DMXL1: variants seen among roughly 807,000 people sequenced by gnomAD.
DMXL1 encodes dmX-like protein 1.
DMXL1 carries 99 observed loss-of-function variants against 319.2 expected under a neutral mutation model. That is an observed-to-expected ratio of 0.31 (90% CI 0.26 to 0.37). The LOEUF (loss-of-function observed/expected upper bound fraction) is 0.37, where lower values mean the gene tolerates loss of function less well. Among genes scored for constraint, DMXL1 ranks in the 10% least tolerant of loss-of-function variants. The pLI is 1.00. For missense variants in DMXL1, 3,745 were observed against 3,595.6 expected (o/e 1.04, Z -1.06); for synonymous variants, 1,385 against 1,235.2 (o/e 1.12, Z -2.54).
At chr5:119,165,354 A>G in intron 21 of DMXL1, 74 bp downstream of exon 21, 1 of 778,856 alleles carries the variant, frequency 1.3e-6, no homozygotes, top group Non-Finnish European at 2.1e-6. Flanking sequence ...GAATGAAGTA[A>G]GATTTGTTGT....
At chr5:119,105,394 C>G in intron 4 of DMXL1, 136 bp downstream of exon 4, 1 of 639,994 alleles carries the variant, frequency 1.6e-6, no homozygotes, top group Non-Finnish European at 2.8e-6. Flanking sequence ...GGATTATGCC[C>G]TTTTAGAGTT....
chr5:119,121,053 A>G lies in DMXL1; in HGVS notation c.1016A>G (p.Asp339Gly), dbSNP rs753950009. 3.7e-6 allele frequency: 6 copies of G among 1,613,768 alleles called. No homozygotes were observed. Among genetic ancestry groups the G allele is most frequent in the Admixed American group, 3.3e-5 (2 of 59,852 alleles). The change falls in exon 9 of 44, where the codon GAT becomes GGT. Residue 339 changes from aspartate to glycine, a missense_variant. Around this residue, in one of 4 missense-constraint regions of DMXL1, gnomAD observed 2,096 missense variants for 1,985.4 expected, o/e 1.06. Transcript: ENST00000539542. ...AHTGYLPHQQ[D>G]PHHVHRNTPL... Reference sequence around the variant, plus strand: ...ACGGGATATCTACCACATCAGCAGGATCCTCATCATGTTCACAGGAACACT... The same window carrying G: ...ACGGGATATCTACCACATCAGCAGGGTCCTCATCATGTTCACAGGAACACT...
chr5:119,190,852 A>G (rs940059972), intron 29 of DMXL1, among the ~76,000 whole-genome samples: 5 of 152,238 alleles, frequency 3.3e-5, no homozygotes, highest in African/African-American at 7.2e-5. Context: ...ACAACATTGA[A>G]AATGCAAAGA....
intron 32 of DMXL1, among the ~76,000 whole-genome samples, chr5:119,202,891 A>ATATATATATATATATATTTATATATT (rs1781048094): frequency 6.4e-5 from 9 of 139,940 alleles, no homozygotes; most frequent in African/African-American, 2.5e-4. Context: ...ATTTTTATAT[A>ATATATATATATATATATTTATATATT]TATATATATA....
chr5:119,220,922 G>A lies in DMXL1; in HGVS notation c.8136-18G>A. 6.2e-7 allele frequency: 1 copy of A among 1,607,920 alleles called. No individual in the cohort carries two copies. Among genetic ancestry groups the A allele is most frequent in the South Asian group, 1.1e-5 (1 of 90,060 alleles). ...GAAATGATGAGTTGTTTTTATTCTG[G>A]TTGACATTCCTTTATAGATCAGAAG... On this transcript the variant is annotated intron_variant, in intron 36 of 43. Transcript: ENST00000539542.
In DMXL1 at chr5:119,129,375, G is replaced by C. The variant is rs768850428; in HGVS notation, c.1267G>C (p.Glu423Gln). ...AAAAAGTTTTGAACAACCATCTTCT[G>C]AGGCCAGTGTAGAAGATTCTAATCA... ...LRKSFEQPSS[E>Q]ASVEDSNQAD... is the part of the protein sequence containing the mutation. The change falls in exon 10 of 44, where the codon GAG becomes CAG. Residue 423 changes from glutamate (E) to glutamine (Q), a missense_variant. By Grantham distance (29) the Glu-to-Gln change is conservative (BLOSUM62 2). Transcript: ENST00000539542. The C allele has an allele frequency of 1.9e-6, 3 of 1,613,790 alleles. No individual in the cohort carries two copies. Among genetic ancestry groups the C allele is most frequent in the South Asian group, 1.1e-5 (1 of 91,058 alleles).
At chr5:119,143,669 T>C (rs1016162073) in intron 13 of DMXL1, among the ~76,000 whole-genome samples, 172 bp from the exon 14 acceptor site, 3 of 151,984 alleles carry the variant, frequency 2.0e-5, no homozygotes, top group Admixed American at 2.0e-4. Context: ...TTTTCATTCG[T>C]TTGTTAATTC....
intron 3 of DMXL1, among the ~76,000 whole-genome samples, chr5:119,102,844 C>A (rs1007892303): frequency 2.6e-5 from 4 of 152,070 alleles, no homozygotes; most frequent in Admixed American, 2.0e-4. Flanking sequence ...AGTGTAGTGT[C>A]ATTGAAAGAG....
intron 34 of DMXL1, among the ~76,000 whole-genome samples, chr5:119,207,643 C>G (rs1205033910): frequency 6.6e-6 from 1 of 152,060 alleles, no homozygotes; most frequent in African/African-American, 2.4e-5. Flanking sequence ...CTCAACCTCC[C>G]TAGTAGCTGG....
chr5:119,155,811 G>A, intron 19 of DMXL1, among the ~76,000 whole-genome samples: 1 of 144,714 alleles, frequency 6.9e-6, no homozygotes. Flanking sequence ...TGGGCAACAG[G>A]AGGAGACCCT....
Position 119,133,194 on chromosome 5 carries a change from A to G in DMXL1, c.1378A>G (p.Lys460Glu). 6.2e-7 allele frequency: 1 copy of G among 1,614,196 alleles called. No individual in the cohort carries two copies. The highest frequency in any genetic ancestry group is 8.5e-7 in the Non-Finnish European group (1 of 1,180,020). Residue 460 changes from lysine (K) to glutamate (E), a missense_variant, in exon 11 of 44, where the codon AAA becomes GAA. Lys to Glu is a moderately conservative substitution (Grantham distance 56). Coordinates refer to ENST00000539542, the MANE Select transcript of DMXL1 (RefSeq NM_001290321.3). ...CGAAAAGAAGGAATTAGGCTGTGATAAAATGGTACCAAACTCAAGTTTTAC... is the reference window on the plus strand; with the variant it reads ...CGAAAAGAAGGAATTAGGCTGTGATGAAATGGTACCAAACTCAAGTTTTAC... Reference protein sequence around the residue: ...NPEKKELGCDKMVPNSSFTSL... With the variant: ...NPEKKELGCDEMVPNSSFTSL...
Position 119,090,345 on chromosome 5 carries a change from C to A in DMXL1, c.88-7634C>A, listed in dbSNP as rs376588126. The stretch of plus-strand genomic sequence containing the variant: ...CACTTGGGGTTAGTATTATTTGGGT[C>A]AAATCTGTTTGGGGTTTTTTGGCCT... On this transcript the variant is annotated intron_variant, in intron 1 of 43. Coordinates refer to ENST00000539542, the MANE Select transcript of DMXL1 (RefSeq NM_001290321.3). 2.6e-4 allele frequency among the ~76,000 whole-genome samples: 40 copies of A among 151,690 alleles called. 1 individual carries two copies. The South Asian group carries it at 7.5e-3, about 29-fold the overall frequency.
At chr5:119,202,617 C>T (rs894523942) in intron 32 of DMXL1, among the ~76,000 whole-genome samples, 1 of 151,722 alleles carries the variant, frequency 6.6e-6, no homozygotes, top group African/African-American at 2.4e-5. Context: ...TTTGGAAGGC[C>T]GAAGTGGGTG....
rs775598728 is a variant in DMXL1 at position 119,105,283 on chromosome 5, A to G, written c.364+25A>G. ...GGTAAGAAAATAAGCAGGATTAACT[A>G]AAATGAAATATCACTTGCCTAGTTG... On this transcript the variant is annotated intron_variant, in intron 4 of 43. Transcript: ENST00000539542. 5 of 1,535,784 alleles carry G rather than the reference A, an allele frequency of 3.3e-6. No homozygotes were observed. The South Asian group carries it at 4.5e-5, about 14-fold the overall frequency.
At chr5:119,241,985 C>T (rs146783521) in intron 42 of DMXL1, among the ~76,000 whole-genome samples, 29 of 152,224 alleles carry the variant, frequency 1.9e-4, no homozygotes, top group African/African-American at 6.7e-4. Flanking sequence ...TTTTTGTTTA[C>T]ATTTCTCGAC....
chr5:119,137,114 A>C (rs112110638), intron 13 of DMXL1, among the ~76,000 whole-genome samples: 5,146 of 152,358 alleles, frequency 0.034, 146 homozygotes, highest in Non-Finnish European at 0.051. Context: ...AGAGTTTCCC[A>C]AGGCCGTGGG....
At chr5:119,192,373 A>T (rs1472265847) in intron 29 of DMXL1, among the ~76,000 whole-genome samples, 1 of 152,156 alleles carries the variant, frequency 6.6e-6, no homozygotes, top group Non-Finnish European at 1.5e-5. Context: ...TCACATCAGG[A>T]CAGAAATGTG....
rs200328610 is a variant in DMXL1 at position 119,121,007 on chromosome 5, T to A, written c.970T>A (p.Ser324Thr). Residue 324 changes from serine to threonine, a missense_variant, in exon 9 of 44, where the codon TCA (serine) becomes ACA (threonine). Physicochemically the swap from Ser to Thr is moderately conservative, Grantham distance 58. Transcript: ENST00000539542. Reference sequence around the variant, plus strand: ...ACATTTTCGTAGAGGTCGGAGGAGATCACTTGCTCTTGTAGCACATACGGG... The same window carrying A: ...ACATTTTCGTAGAGGTCGGAGGAGAACACTTGCTCTTGTAGCACATACGGG... ...LRHFRRGRRR[S>T]LALVAHTGYL... 8.2e-5 allele frequency: 133 copies of A among 1,612,878 alleles called. No individual in the cohort carries two copies. Among genetic ancestry groups the A allele is most frequent in the Middle Eastern group, 1.6e-4 (1 of 6,084 alleles).
intron 42 of DMXL1, among the ~76,000 whole-genome samples, chr5:119,241,327 C>G (rs1788752172): frequency 6.6e-6 from 1 of 151,880 alleles, no homozygotes; most frequent in African/African-American, 2.4e-5. Context: ...GTCAGGAGAT[C>G]TAGACAATCC....
Sources: allele counts gnomAD v4.1 joint callset (sites outside exome capture counted in the v4.1 genomes callset), GRCh38; gene constraint gnomAD v4.1.1; regional missense constraint gnomAD v4.1.1; transcripts MANE v1.5; gene names NCBI Gene and HGNC (gene_info 2026-07-23, HGNC 2026-07-21).